The following RABGAP1L variants were observed in gnomAD, a reference collection of about 807,000 sequenced individuals.
The protein encoded by RABGAP1L is RAB GTPase activating protein 1 like.
RABGAP1L carries 63 observed loss-of-function variants against 137.7 expected under a neutral mutation model. That is an observed-to-expected ratio of 0.46 (90% CI 0.37 to 0.56). The LOEUF is 0.56. Among genes scored for constraint, RABGAP1L ranks in the 20% least tolerant of loss-of-function variants. The pLI is 0.00. For synonymous variants in RABGAP1L, 431 were observed against 433.7 expected (o/e 0.99, Z 0.08); for missense variants, 1,095 against 1,244.0 (o/e 0.88, Z 1.80).
chr1:174,533,156 C>A (rs942016336), intron 13 of RABGAP1L, among the ~76,000 whole-genome samples: 1 of 152,188 alleles, frequency 6.6e-6, no homozygotes, highest in Admixed American at 6.5e-5. Flanking sequence ...ATCGCTTGAA[C>A]CCGGGAGGCA....
At chr1:174,698,962 C>T (rs1436385992) in intron 15 of RABGAP1L, among the ~76,000 whole-genome samples, 2 of 151,618 alleles carry the variant, frequency 1.3e-5, no homozygotes, top group East Asian at 3.9e-4. Flanking sequence ...GAGACTTTTA[C>T]CTTTAGATCT....
chr1:174,805,095 A>G (rs1263751630), intron 18 of RABGAP1L, among the ~76,000 whole-genome samples: 1 of 152,190 alleles, frequency 6.6e-6, no homozygotes, highest in Non-Finnish European at 1.5e-5. Context: ...CATAATTTCC[A>G]TTGTATACAT....
chr1:174,685,244 TTCTTTCTTTCTC>T (rs1261530709), intron 15 of RABGAP1L, among the ~76,000 whole-genome samples: 41 of 151,686 alleles, frequency 2.7e-4, no homozygotes, highest in Admixed American at 2.7e-3. Flanking sequence ...TGATGATGAG[TTCTTTCTTTCTC>T]TCTTTCTTTC....
At chr1:174,784,261 C>T (rs1376050758) in intron 18 of RABGAP1L, among the ~76,000 whole-genome samples, 1 of 151,884 alleles carries the variant, frequency 6.6e-6, no homozygotes, top group African/African-American at 2.4e-5. Context: ...CCTCGTGATC[C>T]GCCCACCTCG....
At chr1:174,889,933 C>G (rs949558913) in intron 19 of RABGAP1L, among the ~76,000 whole-genome samples, 2 of 151,952 alleles carry the variant, frequency 1.3e-5, no homozygotes, top group Non-Finnish European at 2.9e-5. Context: ...AGAGAGGGAG[C>G]CTCACTATGT....
chr1:174,864,383 T>C (rs941824397), intron 19 of RABGAP1L, among the ~76,000 whole-genome samples: 9 of 152,246 alleles, frequency 5.9e-5, no homozygotes, highest in African/African-American at 2.2e-4. Context: ...AATAAAGACA[T>C]ACCAGAGACT....
chr1:174,221,127 G>T lies in RABGAP1L; in HGVS notation c.294G>T (p.Lys98Asn). ...ATATTCCAGCCAGCCAAACAAATAA[G>T]CCATCTCTTCAGTTAATTTTGGATC... is the stretch of plus-strand genomic sequence containing the variant. ...FGDIPASQTN[K>N]PSLQLILDPS... is the part of the protein sequence containing the mutation. Residue 98 changes from lysine (K) to asparagine (N), a missense_variant, in exon 3 of 26, where the codon AAG becomes AAT. By Grantham distance (94) the Lys-to-Asn change is moderately conservative. Coordinates refer to ENST00000681986, the MANE Select transcript of RABGAP1L (RefSeq NM_001366446.1). The T allele has an allele frequency of 6.2e-7, 1 of 1,612,656 alleles. No homozygotes were observed. Among genetic ancestry groups the T allele is most frequent in the Non-Finnish European group, 8.5e-7 (1 of 1,179,172 alleles).
intron 12 of RABGAP1L, among the ~76,000 whole-genome samples, chr1:174,386,392 A>G (rs548467789): frequency 2.0e-5 from 3 of 152,340 alleles, no homozygotes; most frequent in South Asian, 2.1e-4. Flanking sequence ...ACAGCCAATA[A>G]GTAATTTGCC....
At chr1:174,267,149 A>G (rs1231652845) in intron 7 of RABGAP1L, among the ~76,000 whole-genome samples, 1 of 152,224 alleles carries the variant, frequency 6.6e-6, no homozygotes, top group Non-Finnish European at 1.5e-5. Context: ...AAAATACTGA[A>G]GTTAGATGCC....
chr1:174,683,597 G>A lies in RABGAP1L; in HGVS notation c.1899+1G>A, dbSNP rs1283019915. On this transcript the variant is annotated splice_donor_variant, in intron 15 of 25. Transcript: ENST00000681986. LOFTEE classifies it high-confidence loss of function. ...TCTTGCTGCTGTATTACTGCTGCAT[G>A]TAAGTAATGGTCCGTGTGATAAATA... 1 of 1,597,024 alleles carries A rather than the reference G, an allele frequency of 6.3e-7. No homozygotes were observed. The highest frequency in any genetic ancestry group is 8.6e-7 in the Non-Finnish European group (1 of 1,164,576).
chr1:174,871,043 A>G (rs1175765614), intron 19 of RABGAP1L, among the ~76,000 whole-genome samples: 2 of 150,712 alleles, frequency 1.3e-5, no homozygotes, highest in African/African-American at 4.9e-5. Flanking sequence ...CCGGCCTATT[A>G]TAACATTTTT....
chr1:174,341,747 T>C (rs541425288), intron 11 of RABGAP1L, among the ~76,000 whole-genome samples: 4 of 152,300 alleles, frequency 2.6e-5, no homozygotes, highest in African/African-American at 9.6e-5. Context: ...TCAAGGCAAA[T>C]AATTATCTTA....
chr1:174,484,918 A>C (rs1284626979), intron 13 of RABGAP1L, among the ~76,000 whole-genome samples: 1 of 152,202 alleles, frequency 6.6e-6, no homozygotes. Context: ...TAGGGATTGC[A>C]CTGAATCTGT....
chr1:174,883,155 C>T (rs975981455), intron 19 of RABGAP1L, among the ~76,000 whole-genome samples: 2 of 152,134 alleles, frequency 1.3e-5, no homozygotes, highest in Non-Finnish European at 2.9e-5. Flanking sequence ...ACACAGTTCT[C>T]AGTTCAAGTT....
At chr1:174,438,564 A>G (rs940167838) in intron 13 of RABGAP1L, among the ~76,000 whole-genome samples, 2 of 151,566 alleles carry the variant, frequency 1.3e-5, no homozygotes, top group Admixed American at 6.6e-5. Context: ...CTAAAAATAT[A>G]AAAATTAGCC....
At chr1:174,362,095 C>T (rs1255081761) in intron 11 of RABGAP1L, among the ~76,000 whole-genome samples, 1 of 152,140 alleles carries the variant, frequency 6.6e-6, no homozygotes, top group East Asian at 1.9e-4. Context: ...CCATCCATGT[C>T]CCTGCAAAGG....
At chr1:174,723,455 T>C (rs1298278363) in intron 17 of RABGAP1L, among the ~76,000 whole-genome samples, 2 of 152,212 alleles carry the variant, frequency 1.3e-5, no homozygotes, top group Non-Finnish European at 2.9e-5. Flanking sequence ...AGTAGTGATA[T>C]GTTGGAGATA....
chr1:174,554,054 A>G (rs1316062154), intron 13 of RABGAP1L, among the ~76,000 whole-genome samples: 2 of 152,216 alleles, frequency 1.3e-5, no homozygotes, highest in Non-Finnish European at 2.9e-5. Context: ...TTCAAGATTA[A>G]TAAAGATTGC....
intron 13 of RABGAP1L, among the ~76,000 whole-genome samples, chr1:174,597,421 T>G (rs540263876): frequency 6.6e-6 from 1 of 152,298 alleles, no homozygotes; most frequent in South Asian, 2.1e-4. Flanking sequence ...AGTTTTTAAT[T>G]TTTTCCTGGT....
Sources: allele counts gnomAD v4.1 joint callset (sites outside exome capture counted in the v4.1 genomes callset), GRCh38; gene constraint gnomAD v4.1.1; transcripts MANE v1.5; gene names NCBI Gene and HGNC (gene_info 2026-07-23, HGNC 2026-07-21).